The following TPD52L1 variants were observed in gnomAD, a reference collection of about 807,000 sequenced individuals.
The protein encoded by TPD52L1 is TPD52 like 1, also known as tumor protein D53.
A neutral mutation model predicts 28.7 loss-of-function variants in TPD52L1; 18 were observed. The ratio of observed to expected loss-of-function variants is 0.63; its 90% CI spans 0.43 to 0.93. The LOEUF (loss-of-function observed/expected upper bound fraction) is 0.93, where lower values mean the gene tolerates loss of function less well. TPD52L1 is among the 40% of genes least tolerant of loss of function. The pLI is 0.00. For missense variants in TPD52L1, 203 were observed against 254.8 expected (o/e 0.80, Z 1.39); for synonymous variants, 75 against 88.8 (o/e 0.84, Z 0.88).
At chr6:125,201,066 A>G (rs1349951740) in intron 1 of TPD52L1, among the ~76,000 whole-genome samples, 1 of 152,196 alleles carries the variant, frequency 6.6e-6, no homozygotes, top group Non-Finnish European at 1.5e-5. Flanking sequence ...TTTAACATTC[A>G]TTACAGAGGG....
intron 6 of TPD52L1, chr6:125,260,908 GGAAA>G (rs1294432555): frequency 1.0e-4 from 12 of 117,314 alleles, no homozygotes; most frequent in Non-Finnish European, 1.5e-4. Context: ...GAGAAAGAAA[GGAAA>G]GAAAGAAAGA....
intron 1 of TPD52L1, among the ~76,000 whole-genome samples, chr6:125,162,457 T>C (rs1790586296): frequency 6.6e-6 from 1 of 152,186 alleles, no homozygotes; most frequent in Non-Finnish European, 1.5e-5. Flanking sequence ...TACTTAGTAA[T>C]TTATAGTAAA....
chr6:125,174,175 C>T (rs938907219), intron 1 of TPD52L1, among the ~76,000 whole-genome samples: 16 of 152,084 alleles, frequency 1.1e-4, no homozygotes, highest in African/African-American at 2.9e-4. Flanking sequence ...AAGAGAAAAG[C>T]GAGATTCATT....
chr6:125,254,090 A>G (rs2064869), intron 5 of TPD52L1, among the ~76,000 whole-genome samples: 62,604 of 152,118 alleles, frequency 0.41, 13,240 homozygotes, highest in East Asian at 0.6. Context: ...ACAGTGTCTG[A>G]ACATGCCAAG....
At position 125,260,770 on chromosome 6, in the gene TPD52L1, C is replaced by A. The variant is rs143639842; in HGVS notation, c.487-2064C>A. ...GGAGTAAGCCGAGATTGCACCACTG[C>A]ACTCCAGCCTGGGCCACAGAGCAAG... On this transcript the variant is annotated intron_variant, in intron 6 of 6. Coordinates refer to ENST00000534000, the MANE Select transcript of TPD52L1 (RefSeq NM_003287.4). 5.3e-5 allele frequency among the ~76,000 whole-genome samples: 8 copies of A among 150,942 alleles called. 1 individual carries two copies. In the East Asian group the frequency reaches 1.6e-3, roughly 30 times the overall value.
intron 1 of TPD52L1, among the ~76,000 whole-genome samples, chr6:125,183,910 GA>G (rs1792398194): frequency 6.6e-6 from 1 of 152,152 alleles, no homozygotes; most frequent in Non-Finnish European, 1.5e-5. Context: ...CATATTGAAA[GA>G]AAAACTTTGT....
At chr6:125,187,715 G>A (rs998381712) in intron 1 of TPD52L1, among the ~76,000 whole-genome samples, 4 of 152,142 alleles carry the variant, frequency 2.6e-5, no homozygotes, top group African/African-American at 4.8e-5. Context: ...ACTCTGGTAT[G>A]TGTATGTATA....
chr6:125,156,485 GA>G (rs1790142455), intron 1 of TPD52L1, among the ~76,000 whole-genome samples: 1 of 123,610 alleles, frequency 8.1e-6, no homozygotes, highest in Admixed American at 8.0e-5. Context: ...AAAAAAGAGA[GA>G]GATACAAAAA....
chr6:125,192,041 G>T (rs975358770), intron 1 of TPD52L1, among the ~76,000 whole-genome samples: 42 of 152,266 alleles, frequency 2.8e-4, no homozygotes, highest in Middle Eastern at 3.4e-3. Flanking sequence ...AGCATGCCAG[G>T]GGGGAAGAAA....
intron 1 of TPD52L1, among the ~76,000 whole-genome samples, chr6:125,171,747 C>T (rs56783166): frequency 0.062 from 9,488 of 152,212 alleles, 578 homozygotes; most frequent in East Asian, 0.33. Flanking sequence ...GACACTTTGA[C>T]TGCAGCTTCA....
At chr6:125,234,376 A>G (rs1213170789) in intron 3 of TPD52L1, 3 of 152,192 alleles carry the variant, frequency 2.0e-5, no homozygotes, top group Non-Finnish European at 4.4e-5. Context: ...CTTGAGTTAG[A>G]AGCTTCACAT....
intron 2 of TPD52L1, among the ~76,000 whole-genome samples, chr6:125,227,711 T>G (rs1441546389): frequency 6.6e-6 from 1 of 152,232 alleles, no homozygotes; most frequent in East Asian, 1.9e-4. Flanking sequence ...GAGCAATATG[T>G]TATAGAGTAT....
At chr6:125,161,010 G>A (rs993683845) in intron 1 of TPD52L1, among the ~76,000 whole-genome samples, 6 of 152,002 alleles carry the variant, frequency 3.9e-5, no homozygotes, top group Admixed American at 2.0e-4. Context: ...GTGCCACCAC[G>A]CCCTGCTAAT....
intron 3 of TPD52L1, among the ~76,000 whole-genome samples, chr6:125,236,246 C>T (rs542868702): frequency 2.0e-5 from 3 of 152,160 alleles, no homozygotes; most frequent in Non-Finnish European, 4.4e-5. Context: ...ATTAAACTAC[C>T]TGTATAGCTG....
chr6:125,159,714 C>T (rs1263569251), intron 1 of TPD52L1, among the ~76,000 whole-genome samples: 27 of 152,142 alleles, frequency 1.8e-4, no homozygotes, highest in African/African-American at 6.5e-4. Flanking sequence ...TTAAATAATA[C>T]GACTTGAAAG....
At chr6:125,183,517 G>T (rs1383769132) in intron 1 of TPD52L1, among the ~76,000 whole-genome samples, 2 of 152,054 alleles carry the variant, frequency 1.3e-5, no homozygotes, top group African/African-American at 4.8e-5. Context: ...GAAATGATAG[G>T]CTATATGTAT....
At chr6:125,230,656 T>G (rs555492674) in intron 3 of TPD52L1, among the ~76,000 whole-genome samples, 225 of 152,296 alleles carry the variant, frequency 1.5e-3, no homozygotes, top group African/African-American at 5.0e-3. Flanking sequence ...GTCCTTTGTA[T>G]GAGGAATTGG....
At chr6:125,207,269 GTGT>G (rs1794213900) in intron 1 of TPD52L1, among the ~76,000 whole-genome samples, 1 of 152,152 alleles carries the variant, frequency 6.6e-6, no homozygotes, top group East Asian at 1.9e-4. Flanking sequence ...TCTGCATGAG[GTGT>G]TGTGGTAAAG....
chr6:125,173,887 A>T (rs1355026928), intron 1 of TPD52L1, among the ~76,000 whole-genome samples: 1 of 152,170 alleles, frequency 6.6e-6, no homozygotes, highest in South Asian at 2.1e-4. Flanking sequence ...TACAGAAGGA[A>T]GTCAGGATGA....
Sources: allele counts gnomAD v4.1 joint callset (sites outside exome capture counted in the v4.1 genomes callset), GRCh38; gene constraint gnomAD v4.1.1; transcripts MANE v1.5; gene names NCBI Gene and HGNC (gene_info 2026-07-23, HGNC 2026-07-21).